CSF2RB: variants seen among roughly 807,000 people sequenced by gnomAD.
CSF2RB encodes the protein cytokine receptor common subunit beta.
CSF2RB carries 22 observed loss-of-function variants against 67.2 expected under a neutral mutation model. The ratio of observed to expected loss-of-function variants is 0.33; its 90% CI spans 0.23 to 0.47. CSF2RB has a LOEUF of 0.47. CSF2RB is among the 20% of genes least tolerant of loss of function. The pLI, the probability that CSF2RB is intolerant of heterozygous loss-of-function variation, is 1.00. For missense variants in CSF2RB, 1,113 were observed against 1,174.5 expected (o/e 0.95, Z 0.76); for synonymous variants, 507 against 482.9 (o/e 1.05, Z -0.65).
At chr22:36,916,479 C>CTA (rs1940715499) in intron 1 of CSF2RB, among the ~76,000 whole-genome samples, 2 of 152,170 alleles carry the variant, frequency 1.3e-5, no homozygotes, top group Non-Finnish European at 2.9e-5. Flanking sequence ...ATTGTTTTCT[C>CTA]TTCCATTTGG....
At chr22:36,929,147 C>A (rs916123918) in intron 4 of CSF2RB, among the ~76,000 whole-genome samples, 3 of 152,202 alleles carry the variant, frequency 2.0e-5, no homozygotes, top group African/African-American at 7.2e-5. Flanking sequence ...AGTTTCCTCG[C>A]CAGCGCTTTT....
intron 13 of CSF2RB, 64 bp downstream of exon 13, chr22:36,936,716 GA>G: frequency 7.1e-7 from 1 of 1,412,668 alleles, no homozygotes. Flanking sequence ...CTCCATTGTG[GA>G]AATCAGGGAC....
rs1304307568 is a variant in CSF2RB at position 36,930,789 on chromosome 22, A to G, written c.971A>G (p.Gln324Arg). ...ATHGQYIVSV[Q>R]PRRAEKHIKS... ...CACGGCCAATACATCGTCTCTGTTC[A>G]GCCAAGGAGGGCAGAGAAACACATA... The change falls in exon 8 of 14, where the codon CAG becomes CGG. Residue 324 changes from glutamine (Q) to arginine (R), a missense_variant. Physicochemically the swap from Gln to Arg is conservative, Grantham distance 43 (BLOSUM62 1). Coordinates refer to ENST00000403662, the MANE Select transcript of CSF2RB (RefSeq NM_000395.3). The G allele has an allele frequency of 6.2e-7, 1 of 1,614,118 alleles. No individual in the cohort carries two copies. The highest frequency in any genetic ancestry group is 8.5e-7 in the Non-Finnish European group (1 of 1,180,016).
rs1185395683 is a variant in CSF2RB, at chr22:36,939,174, A to G, written c.*672A>G. ...GGACGCACATGAGAGACTGTTTGGGAGCTTCTGGGGAGCCCTGCTAGTTGT... is the reference window on the plus strand; with the variant it reads ...GGACGCACATGAGAGACTGTTTGGGGGCTTCTGGGGAGCCCTGCTAGTTGT... On this transcript the variant is annotated 3_prime_UTR_variant, in exon 14 of 14. Coordinates refer to ENST00000403662, the MANE Select transcript of CSF2RB (RefSeq NM_000395.3). 1.4e-6 allele frequency: 1 copy of G among 701,924 alleles called. No individual in the cohort carries two copies. Among genetic ancestry groups the G allele is most frequent in the Non-Finnish European group, 2.6e-6 (1 of 384,716 alleles). The allele number at this position is 701,924 out of a possible 1,614,324, so 43.5% of individuals were successfully genotyped here.
chr22:36,924,612 G>A (rs944898200), intron 3 of CSF2RB, among the ~76,000 whole-genome samples: 2 of 152,080 alleles, frequency 1.3e-5, no homozygotes, highest in African/African-American at 4.8e-5. Context: ...TTCCTCCTGG[G>A]CCCACTCCCC....
chr22:36,929,359 C>T, intron 4 of CSF2RB, 43 bp from the exon 5 acceptor site: 2 of 1,613,906 alleles, frequency 1.2e-6, no homozygotes, highest in Non-Finnish European at 1.7e-6. Flanking sequence ...GACTGCCCCC[C>T]AGCGGTCCAG....
intron 1 of CSF2RB, among the ~76,000 whole-genome samples, chr22:36,917,999 T>A (rs1160205257): frequency 1.8e-4 from 28 of 152,184 alleles, no homozygotes; most frequent in Non-Finnish European, 3.5e-4. Flanking sequence ...ACATATATGA[T>A]CTTCCAAAAC....
chr22:36,932,716 C>A, intron 8 of CSF2RB, 49 bp from the exon 9 acceptor site: 1 of 1,599,598 alleles, frequency 6.3e-7, no homozygotes, highest in South Asian at 1.1e-5. Flanking sequence ...GGGAATGTTC[C>A]GTTGGAGGGT....
intron 12 of CSF2RB, among the ~76,000 whole-genome samples, chr22:36,936,119 G>A (rs1417001202): frequency 6.6e-6 from 1 of 152,166 alleles, no homozygotes; most frequent in African/African-American, 2.4e-5. Context: ...AACCCTTCAG[G>A]AAGGGAGCTG....
intron 4 of CSF2RB, among the ~76,000 whole-genome samples, chr22:36,927,495 G>A (rs1026251301): frequency 2.6e-5 from 4 of 152,190 alleles, no homozygotes; most frequent in Non-Finnish European, 5.9e-5. Context: ...TCTCTGGCAG[G>A]GTAACAGCTG....
intron 1 of CSF2RB, among the ~76,000 whole-genome samples, chr22:36,915,272 A>T (rs1940692004): frequency 6.6e-6 from 1 of 152,034 alleles, no homozygotes; most frequent in South Asian, 2.1e-4. Context: ...TTTAGTAGAG[A>T]CAGGGTTTCA....
At chr22:36,929,040 G>A (rs573346551) in intron 4 of CSF2RB, among the ~76,000 whole-genome samples, 8 of 152,302 alleles carry the variant, frequency 5.3e-5, no homozygotes, top group Admixed American at 1.3e-4. Context: ...ACAGCAGGAG[G>A]GGGGAGGCCG....
chr22:36,932,688 T>C, intron 8 of CSF2RB, 77 bp from the exon 9 acceptor site: 2 of 1,548,828 alleles, frequency 1.3e-6, no homozygotes, highest in East Asian at 4.6e-5. Context: ...ACAGCCCCAG[T>C]GTCTAGCATG....
rs200668475 is a variant in CSF2RB, at chr22:36,938,508, C to T, written c.*6C>T. 2.0e-5 allele frequency: 32 copies of T among 1,609,638 alleles called. No individual in the cohort carries two copies. In the Admixed American group the frequency reaches 4.9e-4, roughly 24 times the overall value. On this transcript the variant is annotated 3_prime_UTR_variant, in exon 14 of 14. Transcript: ENST00000403662. ...AGCCTGGGGAGGTGTGTTGAGACCCCCAGGCCTAGACAGGCAAGGGGATGG... is the reference window on the plus strand; with the variant it reads ...AGCCTGGGGAGGTGTGTTGAGACCCTCAGGCCTAGACAGGCAAGGGGATGG...
At chr22:36,928,110 C>A (rs900026688) in intron 4 of CSF2RB, among the ~76,000 whole-genome samples, 22 of 152,146 alleles carry the variant, frequency 1.4e-4, no homozygotes, top group African/African-American at 4.8e-4. Context: ...CAGCCTAATG[C>A]AGATTAGCAA....
chr22:36,922,348 C>A, intron 2 of CSF2RB, 65 bp downstream of exon 2: 2 of 1,446,000 alleles, frequency 1.4e-6, no homozygotes, highest in African/African-American at 1.4e-5. Flanking sequence ...TGGGGGAGGG[C>A]CGCAGCGTAT....
chr22:36,922,886 T>C (rs1191293819), intron 2 of CSF2RB, among the ~76,000 whole-genome samples: 2 of 151,884 alleles, frequency 1.3e-5, no homozygotes, highest in Admixed American at 1.3e-4. Context: ...ATCCCAGGGC[T>C]GAGTGTGTGC....
At chr22:36,917,898 G>A (rs944194194) in intron 1 of CSF2RB, among the ~76,000 whole-genome samples, 2 of 151,856 alleles carry the variant, frequency 1.3e-5, no homozygotes, top group African/African-American at 4.8e-5. Context: ...ACTCCAGCCT[G>A]GGTGATGGGG....
At chr22:36,934,028 A>G (rs1270578802) in intron 10 of CSF2RB, 34 bp downstream of exon 10, 1 of 1,609,642 alleles carries the variant, frequency 6.2e-7, no homozygotes, top group African/African-American at 1.3e-5. Flanking sequence ...GCTTCTGGCC[A>G]GGACCAGCTC....
Sources: allele counts gnomAD v4.1 joint callset (sites outside exome capture counted in the v4.1 genomes callset), GRCh38; gene constraint gnomAD v4.1.1; transcripts MANE v1.5; gene names NCBI Gene and HGNC (gene_info 2026-07-23, HGNC 2026-07-21).